SSH2: variants seen among roughly 807,000 people sequenced by gnomAD.
SSH2 encodes the protein slingshot protein phosphatase 2, also known as protein phosphatase Slingshot homolog 2.
Under a neutral mutation model 135.2 loss-of-function variants are expected in SSH2, and 37 were observed. The ratio of observed to expected loss-of-function variants is 0.27; its 90% CI spans 0.21 to 0.36. SSH2 has a LOEUF of 0.36. SSH2 is among the 10% of genes least tolerant of loss of function. The pLI is 1.00. For missense variants in SSH2, 1,408 were observed against 1,765.3 expected (o/e 0.80, Z 3.63); for synonymous variants, 628 against 646.2 (o/e 0.97, Z 0.43).
At chr17:29,783,574 A>G (rs1188517371) in intron 3 of SSH2, among the ~76,000 whole-genome samples, 1 of 151,996 alleles carries the variant, frequency 6.6e-6, no homozygotes, top group Non-Finnish European at 1.5e-5. Context: ...CTGGTATCTG[A>G]TTAGATTGTG....
At chr17:29,680,328 C>A (rs1012725048) in intron 6 of SSH2, among the ~76,000 whole-genome samples, 1 of 150,680 alleles carries the variant, frequency 6.6e-6, no homozygotes, top group African/African-American at 2.4e-5. Flanking sequence ...TTTGGGAGGC[C>A]GAGGTCAGGA....
At chr17:29,799,311 G>A (rs2042210608) in intron 2 of SSH2, among the ~76,000 whole-genome samples, 1 of 152,166 alleles carries the variant, frequency 6.6e-6, no homozygotes, top group Non-Finnish European at 1.5e-5. Context: ...TGAAACTGCA[G>A]GGTCATAGAG....
At chr17:29,914,893 C>T (rs147657868) in intron 1 of SSH2, among the ~76,000 whole-genome samples, 13 of 152,138 alleles carry the variant, frequency 8.5e-5, no homozygotes, top group South Asian at 2.1e-4. Context: ...TAAAATAACA[C>T]GAGAGAAATA....
chr17:29,853,909 C>T (rs1022319049), intron 1 of SSH2, among the ~76,000 whole-genome samples: 1 of 150,974 alleles, frequency 6.6e-6, no homozygotes, highest in African/African-American at 2.5e-5. Flanking sequence ...AGTTCAAGTC[C>T]AGCCTGCACA....
intron 2 of SSH2, among the ~76,000 whole-genome samples, chr17:29,826,801 C>G (rs1473884541): frequency 6.6e-6 from 1 of 152,130 alleles, no homozygotes; most frequent in East Asian, 1.9e-4. Flanking sequence ...AAGAGGAGTG[C>G]TTTGATTGAC....
chr17:29,792,545 A>G lies in SSH2; in HGVS notation c.188+1349T>C, dbSNP rs536573356. On this transcript the variant is annotated intron_variant, in intron 3 of 15. Transcript: ENST00000540801. The stretch of plus-strand genomic sequence containing the variant: ...AAGCCCACAATTTATGTGTTAACAA[A>G]TCAGGAAAAAAACTACCGATAATCT... Among the ~76,000 whole-genome samples, 67 of 152,292 alleles carry G rather than the reference A, an allele frequency of 4.4e-4. 2 individuals are homozygous for G. Among genetic ancestry groups the G allele is most frequent in the Admixed American group, 2.2e-3 (34 of 15,298 alleles).
intron 2 of SSH2, among the ~76,000 whole-genome samples, chr17:29,811,168 G>C (rs1047918322): frequency 6.6e-6 from 1 of 151,912 alleles, no homozygotes; most frequent in Non-Finnish European, 1.5e-5. Context: ...GCTAATTTTT[G>C]TATTTTTAGT....
At chr17:29,792,021 C>T (rs530594802) in intron 3 of SSH2, among the ~76,000 whole-genome samples, 33 of 149,624 alleles carry the variant, frequency 2.2e-4, no homozygotes, top group African/African-American at 7.6e-4. Context: ...CTCCTGGGTT[C>T]AAGTGATTTT....
At chr17:29,646,388 T>TA (rs2036369574) in intron 14 of SSH2, among the ~76,000 whole-genome samples, 1 of 152,198 alleles carries the variant, frequency 6.6e-6, no homozygotes, top group Admixed American at 6.5e-5. Flanking sequence ...AAATATGTGA[T>TA]AGAGTAAAAC....
chr17:29,783,976 G>A (rs1009136477), intron 3 of SSH2, among the ~76,000 whole-genome samples: 1 of 139,626 alleles, frequency 7.2e-6, no homozygotes, highest in Non-Finnish European at 1.5e-5. Flanking sequence ...TGAGGCAGGA[G>A]AATGGCGTGA....
At chr17:29,666,728 G>T in intron 11 of SSH2, 139 bp downstream of exon 11, 1 of 727,118 alleles carries the variant, frequency 1.4e-6, no homozygotes, top group Non-Finnish European at 2.2e-6. Flanking sequence ...AGGAAGTGAT[G>T]AGGTTTGAGT....
chr17:29,848,528 A>C (rs2065486550), intron 2 of SSH2, among the ~76,000 whole-genome samples: 1 of 152,184 alleles, frequency 6.6e-6, no homozygotes, highest in African/African-American at 2.4e-5. Flanking sequence ...AAATGTGTGC[A>C]TGAGGGGAAA....
chr17:29,729,655 T>C (rs1276898180), intron 3 of SSH2, among the ~76,000 whole-genome samples: 1 of 152,184 alleles, frequency 6.6e-6, no homozygotes, highest in African/African-American at 2.4e-5. Context: ...AACAGGTGAA[T>C]GGATAAAGAA....
At chr17:29,897,514 A>G (rs1599159537) in intron 1 of SSH2, among the ~76,000 whole-genome samples, 2 of 152,168 alleles carry the variant, frequency 1.3e-5, no homozygotes, top group African/African-American at 4.8e-5. Flanking sequence ...TTAAACCAAC[A>G]AAGATCAAAA....
intron 1 of SSH2, chr17:29,863,731 G>A (rs1399411225): frequency 4.0e-5 from 2 of 50,612 alleles, no homozygotes; most frequent in Non-Finnish European, 6.9e-5. Context: ...TTTTAATATG[G>A]TATTCTGGTA....
intron 1 of SSH2, chr17:29,855,641 T>C (rs1047042971): frequency 6.5e-6 from 1 of 152,954 alleles, no homozygotes. Context: ...TGTAACTGCA[T>C]TGACAAAGCA....
chr17:29,742,137 G>A (rs1388502406), intron 3 of SSH2, among the ~76,000 whole-genome samples: 1 of 151,392 alleles, frequency 6.6e-6, no homozygotes, highest in Non-Finnish European at 1.5e-5. Flanking sequence ...GGTTTTCACC[G>A]TGTTCAACAA....
At chr17:29,762,683 C>T (rs1395441199) in intron 3 of SSH2, among the ~76,000 whole-genome samples, 2 of 152,178 alleles carry the variant, frequency 1.3e-5, no homozygotes, top group African/African-American at 4.8e-5. Context: ...TTCACCTGAC[C>T]AGGGACCAGC....
chr17:29,754,999 A>C (rs1055100417), intron 3 of SSH2, among the ~76,000 whole-genome samples: 1 of 152,146 alleles, frequency 6.6e-6, no homozygotes, highest in African/African-American at 2.4e-5. Flanking sequence ...AATTTTATCT[A>C]ACAATTTTTA....
Sources: allele counts gnomAD v4.1 joint callset (sites outside exome capture counted in the v4.1 genomes callset), GRCh38; gene constraint gnomAD v4.1.1; transcripts MANE v1.5; gene names NCBI Gene and HGNC (gene_info 2026-07-23, HGNC 2026-07-21).